ZDHHC17: variants seen among roughly 807,000 people sequenced by gnomAD.
ZDHHC17 encodes the protein zDHHC palmitoyltransferase 17.
A neutral mutation model predicts 90.3 loss-of-function variants in ZDHHC17; 40 were observed. The observed-to-expected ratio is 0.44, with a 90% CI of 0.34 to 0.58. The LOEUF is 0.58. ZDHHC17 is among the 20% of genes least tolerant of loss of function. ZDHHC17 has a pLI of 0.01. For missense variants in ZDHHC17, 614 were observed against 780.8 expected (o/e 0.79, Z 2.55); for synonymous variants, 235 against 252.4 (o/e 0.93, Z 0.65).
chr12:76,787,685 C>T (rs1339500385), intron 1 of ZDHHC17, among the ~76,000 whole-genome samples: 2 of 151,770 alleles, frequency 1.3e-5, no homozygotes, highest in Non-Finnish European at 2.9e-5. Flanking sequence ...TGATGGTATT[C>T]TTACAGTATT....
At chr12:76,817,943 A>C (rs1292624145) in intron 7 of ZDHHC17, among the ~76,000 whole-genome samples, 2 of 152,216 alleles carry the variant, frequency 1.3e-5, no homozygotes, top group Non-Finnish European at 2.9e-5. Context: ...AATACTTTCC[A>C]GAGTCTACAG....
At position 76,784,379 on chromosome 12, in the gene ZDHHC17, TAGA is replaced by T. The variant is rs781758275; in HGVS notation, c.94-13051_94-13049del. 6.6e-5 allele frequency among the ~76,000 whole-genome samples: 10 copies of T among 152,246 alleles called. No individual in the cohort carries two copies. In the South Asian group the frequency reaches 8.3e-4, roughly 13 times the overall value. ...CATCAAATTTATGGTGAAGCTCGGG[TAGA>T]AGATGGTGAAATCATTGATGCTTTG... is the stretch of plus-strand genomic sequence containing the variant. On this transcript the variant is annotated intron_variant, in intron 1 of 16. Coordinates refer to ENST00000426126, the MANE Select transcript of ZDHHC17 (RefSeq NM_015336.4).
At chr12:76,845,043 G>T (rs546516349) in intron 12 of ZDHHC17, 73 of 19,158 alleles carry the variant, frequency 3.8e-3, no homozygotes, top group African/African-American at 9.7e-3. Flanking sequence ...GAATTATATG[G>T]GGTTTTTTTT....
intron 10 of ZDHHC17, among the ~76,000 whole-genome samples, chr12:76,833,707 G>A (rs561372202): frequency 1.3e-5 from 2 of 152,288 alleles, no homozygotes; most frequent in Admixed American, 6.5e-5. Flanking sequence ...CAGGAGAATG[G>A]CATGAACCTG....
chr12:76,764,315 C>T lies in ZDHHC17; in HGVS notation c.79C>T (p.Leu27Phe), dbSNP rs1375979546. The change falls in exon 1 of 17, where the codon CTT (leucine) becomes TTT (phenylalanine). Residue 27 changes from leucine (L) to phenylalanine (F), a missense_variant. Leu to Phe is a conservative substitution (Grantham distance 22, BLOSUM62 0). Transcript: ENST00000426126. ...EYDTEAGCVP[L>F]LHPEEIKPQS... ...CGATACCGAAGCGGGCTGTGTGCCC[C>T]TTCTCCACCCAGAGGTGAGGAACCG... 2 of 1,601,608 alleles carry T rather than the reference C, an allele frequency of 1.2e-6. No individual in the cohort carries two copies. Among genetic ancestry groups the T allele is most frequent in the African/African-American group, 1.3e-5 (1 of 74,768 alleles).
At chr12:76,834,308 T>C (rs929988414) in intron 10 of ZDHHC17, among the ~76,000 whole-genome samples, 2 of 151,478 alleles carry the variant, frequency 1.3e-5, no homozygotes, top group African/African-American at 2.5e-5. Flanking sequence ...GACAACACTT[T>C]TGAAATATTG....
intron 1 of ZDHHC17, among the ~76,000 whole-genome samples, chr12:76,783,861 A>G (rs985014279): frequency 6.6e-6 from 1 of 152,258 alleles, no homozygotes; most frequent in Non-Finnish European, 1.5e-5. Flanking sequence ...TACACAGAGG[A>G]GAAGGCAATG....
At chr12:76,847,727 G>A (rs1311437388) in intron 14 of ZDHHC17, among the ~76,000 whole-genome samples, 2 of 152,092 alleles carry the variant, frequency 1.3e-5, no homozygotes, top group African/African-American at 2.4e-5. Flanking sequence ...GTGTGGTAGC[G>A]CATGCCTGTA....
chr12:76,779,755 G>C (rs1472999143), intron 1 of ZDHHC17, among the ~76,000 whole-genome samples: 1 of 152,146 alleles, frequency 6.6e-6, no homozygotes, highest in Non-Finnish European at 1.5e-5. Context: ...CCTAGCCTGA[G>C]ATCCCAAAGA....
intron 1 of ZDHHC17, among the ~76,000 whole-genome samples, chr12:76,790,990 ATGTT>A (rs1229117096): frequency 6.6e-6 from 1 of 152,200 alleles, no homozygotes; most frequent in Non-Finnish European, 1.5e-5. Context: ...GAAATGATCA[ATGTT>A]TGAGGTGATA....
At chr12:76,815,833 G>GTTTTTTTTTTTT in intron 6 of ZDHHC17, 24 bp from the exon 7 acceptor site, 2 of 1,141,506 alleles carry the variant, frequency 1.8e-6, no homozygotes, top group Admixed American at 3.7e-5. Flanking sequence ...GTTGTTGTTT[G>GTTTTTTTTTTTT]TTTTTTTTTT....
At chr12:76,834,067 T>C (rs1398613142) in intron 10 of ZDHHC17, among the ~76,000 whole-genome samples, 1 of 152,162 alleles carries the variant, frequency 6.6e-6, no homozygotes, top group Non-Finnish European at 1.5e-5. Context: ...GAAAAAATAC[T>C]AAATTATATT....
chr12:76,826,829 C>G, intron 8 of ZDHHC17, 79 bp from the exon 9 acceptor site: 6 of 1,406,158 alleles, frequency 4.3e-6, no homozygotes, highest in Non-Finnish European at 5.6e-6. Flanking sequence ...TGTTGCATGC[C>G]TTCACAAAGG....
At chr12:76,787,874 T>C (rs1167625854) in intron 1 of ZDHHC17, among the ~76,000 whole-genome samples, 1 of 152,218 alleles carries the variant, frequency 6.6e-6, no homozygotes, top group East Asian at 1.9e-4. Context: ...CAGAATCATA[T>C]TAGTCCGGAT....
In ZDHHC17 at chr12:76,785,099, C is replaced by G. The variant is rs538550614; in HGVS notation, c.94-12335C>G. ...AGTTTTGTGAGTTTCAATGGGAAAT[C>G]ATTAGACTTCCACCTTACAGTTCTG... On this transcript the variant is annotated intron_variant, in intron 1 of 16. Coordinates refer to ENST00000426126, the MANE Select transcript of ZDHHC17 (RefSeq NM_015336.4). Among the ~76,000 whole-genome samples the G allele has an allele frequency of 3.1e-4, 47 of 152,352 alleles. 1 individual carries two copies. The South Asian group carries it at 9.5e-3, about 31-fold the overall frequency.
chr12:76,827,175 CTGTA>C, intron 9 of ZDHHC17, 125 bp downstream of exon 9: 1 of 1,112,570 alleles, frequency 9.0e-7, no homozygotes, highest in Non-Finnish European at 1.2e-6. Context: ...ATTTAGACAT[CTGTA>C]TGTGAAATAT....
intron 7 of ZDHHC17, among the ~76,000 whole-genome samples, chr12:76,819,588 ATCTT>A (rs1476182524): frequency 6.6e-6 from 1 of 152,222 alleles, no homozygotes; most frequent in East Asian, 1.9e-4. Flanking sequence ...TGTCTTAGAA[ATCTT>A]TCTTTATATT....
intron 10 of ZDHHC17, among the ~76,000 whole-genome samples, chr12:76,834,431 A>G (rs1460648645): frequency 1.3e-5 from 2 of 152,194 alleles, no homozygotes; most frequent in African/African-American, 4.8e-5. Context: ...AGAATCTGGG[A>G]TGATTACATA....
intron 8 of ZDHHC17, among the ~76,000 whole-genome samples, chr12:76,822,981 C>T (rs1379512253): frequency 1.3e-5 from 2 of 152,184 alleles, no homozygotes; most frequent in Admixed American, 1.3e-4. Flanking sequence ...TATTATTATA[C>T]TCAGAATAAA....
Sources: gnomAD v4.1 joint callset for allele counts (sites outside exome capture counted in the v4.1 genomes callset) on GRCh38, gnomAD v4.1.1 for gene constraint, MANE v1.5 for transcripts, NCBI Gene and HGNC (gene_info 2026-07-23, HGNC 2026-07-21) for gene names.